HHAT: variants seen among roughly 807,000 people sequenced by gnomAD.
The protein encoded by HHAT is protein-cysteine N-palmitoyltransferase HHAT.
HHAT carries 47 observed loss-of-function variants against 70.8 expected under a neutral mutation model. The ratio of observed to expected loss-of-function variants is 0.66; its 90% CI spans 0.53 to 0.85. The LOEUF (loss-of-function observed/expected upper bound fraction) is 0.85. Ranked by LOEUF, HHAT falls within the 40% of genes least tolerant of loss-of-function variation. The pLI is 0.00. For synonymous variants in HHAT, 228 were observed against 247.6 expected (o/e 0.92, Z 0.74); for missense variants, 609 against 604.8 (o/e 1.01, Z -0.07).
chr1:210,627,695 T>C (rs1005237509), intron 11 of HHAT, among the ~76,000 whole-genome samples: 14 of 152,166 alleles, frequency 9.2e-5, no homozygotes, highest in Non-Finnish European at 1.5e-5. Context: ...GAAGAAGTAG[T>C]GTTCAGTTTA....
chr1:210,414,458 A>G (rs1478511619), intron 6 of HHAT, among the ~76,000 whole-genome samples: 1 of 152,172 alleles, frequency 6.6e-6, no homozygotes, highest in Non-Finnish European at 1.5e-5. Context: ...AAAATGAACC[A>G]AGAAGAACTC....
At chr1:210,436,197 C>G (rs932701825) in intron 7 of HHAT, among the ~76,000 whole-genome samples, 5 of 151,810 alleles carry the variant, frequency 3.3e-5, no homozygotes, top group African/African-American at 1.2e-4. Context: ...GTTTTCCCAG[C>G]ACCATTTATT....
chr1:210,397,856 A>C (rs2091877177), intron 4 of HHAT, among the ~76,000 whole-genome samples: 1 of 152,142 alleles, frequency 6.6e-6, no homozygotes, highest in South Asian at 2.1e-4. Flanking sequence ...CTTGAGATCT[A>C]GGTATGTGCA....
intron 7 of HHAT, among the ~76,000 whole-genome samples, chr1:210,437,569 G>C (rs2093407735): frequency 6.6e-6 from 1 of 151,858 alleles, no homozygotes; most frequent in African/African-American, 2.4e-5. Context: ...TGTTGATCCT[G>C]TGCAAAGCTT....
chr1:210,383,963 C>T (rs1173970812), intron 3 of HHAT, among the ~76,000 whole-genome samples: 1 of 152,064 alleles, frequency 6.6e-6, no homozygotes, highest in Admixed American at 6.6e-5. Context: ...GGTGTGTCTT[C>T]ATTGTGGGGT....
chr1:210,337,507 G>C lies in HHAT; in HGVS notation c.-44+8403G>C, dbSNP rs1457184197. 2.6e-5 allele frequency among the ~76,000 whole-genome samples: 4 copies of C among 152,134 alleles called. No individual in the cohort carries two copies. In the East Asian group the frequency reaches 7.7e-4, roughly 29 times the overall value. On this transcript the variant is annotated intron_variant, in intron 1 of 11. Coordinates refer to ENST00000261458, the MANE Select transcript of HHAT (RefSeq NM_018194.6). ...GTTCATTTGTTCTGAAGGTTCTAGG[G>C]AACAATCTTTTTGTTGTCGTTGCCT...
At chr1:210,539,681 T>C (rs542195650) in intron 9 of HHAT, among the ~76,000 whole-genome samples, 2 of 152,272 alleles carry the variant, frequency 1.3e-5, no homozygotes, top group African/African-American at 4.8e-5. Flanking sequence ...TAAACTGATA[T>C]TGCAGAGGGC....
At chr1:210,458,073 A>G (rs1481923230) in intron 7 of HHAT, among the ~76,000 whole-genome samples, 4 of 152,242 alleles carry the variant, frequency 2.6e-5, no homozygotes, top group South Asian at 4.1e-4. Context: ...CTAAAAATTT[A>G]TATGTAGAGA....
chr1:210,538,129 A>G (rs2095393321), intron 9 of HHAT, among the ~76,000 whole-genome samples: 1 of 147,504 alleles, frequency 6.8e-6, no homozygotes, highest in African/African-American at 2.5e-5. Context: ...GATTCATTGT[A>G]TCCCGTAATT....
chr1:210,463,724 C>T (rs1005952532), intron 7 of HHAT, among the ~76,000 whole-genome samples: 1 of 152,092 alleles, frequency 6.6e-6, no homozygotes, highest in African/African-American at 2.4e-5. Flanking sequence ...TTTGGGGAAC[C>T]ACCAGACTGT....
chr1:210,542,984 C>T (rs1307960071), intron 9 of HHAT, among the ~76,000 whole-genome samples: 1 of 152,090 alleles, frequency 6.6e-6, no homozygotes, highest in Non-Finnish European at 1.5e-5. Context: ...ATTAATATGG[C>T]ACCGCTGTTC....
chr1:210,354,059 C>CA (rs2087338704), intron 2 of HHAT, among the ~76,000 whole-genome samples: 1 of 152,108 alleles, frequency 6.6e-6, no homozygotes, highest in South Asian at 2.1e-4. Flanking sequence ...GAAGGCTGGG[C>CA]CAATTAACGC....
intron 11 of HHAT, among the ~76,000 whole-genome samples, chr1:210,633,796 C>G (rs2148896009): frequency 6.6e-6 from 1 of 152,284 alleles, no homozygotes; most frequent in Middle Eastern, 3.4e-3. Flanking sequence ...TCCCACCAAC[C>G]CAGGGCCGAA....
At position 210,464,515 on chromosome 1, in the gene HHAT, G is replaced by A. The variant is rs375130305; in HGVS notation, c.867G>A (p.Ala289=). Residue 289 remains alanine, a synonymous_variant, in exon 8 of 12, where the codon GCG becomes GCA. Transcript: ENST00000261458. ...CTGTTTGCCTTTCAGGAGGACTGGC[G>A]TTAGCCCAGGTGCTCTTTTTCTACG... ...TVSCWTLGGL[A]LAQVLFFYVK... The A allele has an allele frequency of 5.1e-5, 82 of 1,614,032 alleles. No homozygotes were observed. Among genetic ancestry groups the A allele is most frequent in the East Asian group, 1.1e-4 (5 of 44,890 alleles).
chr1:210,564,874 G>T (rs1217502714), intron 9 of HHAT, among the ~76,000 whole-genome samples: 1 of 152,178 alleles, frequency 6.6e-6, no homozygotes, highest in East Asian at 1.9e-4. Flanking sequence ...GGGATGGGGG[G>T]TCACTTAGAG....
At chr1:210,455,494 TC>T (rs2093845157) in intron 7 of HHAT, among the ~76,000 whole-genome samples, 1 of 152,158 alleles carries the variant, frequency 6.6e-6, no homozygotes, top group South Asian at 2.1e-4. Context: ...CTTTAACAAC[TC>T]CCTGGTCAGC....
intron 7 of HHAT, among the ~76,000 whole-genome samples, chr1:210,439,206 G>C (rs1051549514): frequency 8.6e-5 from 13 of 151,856 alleles, no homozygotes; most frequent in African/African-American, 3.2e-4. Context: ...CCTCACTAAT[G>C]TATTTATTTC....
chr1:210,544,390 T>TC (rs1192527624), intron 9 of HHAT, among the ~76,000 whole-genome samples: 17 of 107,484 alleles, frequency 1.6e-4, no homozygotes, highest in African/African-American at 4.9e-4. Context: ...TTTTTTTTTT[T>TC]TGACACAGTT....
At chr1:210,406,845 G>A (rs913389946) in intron 6 of HHAT, among the ~76,000 whole-genome samples, 2 of 152,150 alleles carry the variant, frequency 1.3e-5, no homozygotes, top group African/African-American at 4.8e-5. Flanking sequence ...GAAGGGGCAG[G>A]TTGCTTCCTG....
Sources: gnomAD v4.1 joint callset for allele counts (sites outside exome capture counted in the v4.1 genomes callset) on GRCh38, gnomAD v4.1.1 for gene constraint, MANE v1.5 for transcripts, NCBI Gene and HGNC (gene_info 2026-07-23, HGNC 2026-07-21) for gene names.